MCPH1: variants seen among roughly 807,000 people sequenced by gnomAD.
MCPH1 encodes the protein microcephalin 1.
In MCPH1, 104 loss-of-function variants were observed where a neutral mutation model predicts 84.5. That is an observed-to-expected ratio of 1.23 (90% CI 1.05 to 1.45). The LOEUF is 1.45. Ranked by LOEUF, MCPH1 falls within the 40% of genes most tolerant of loss-of-function variation. The probability of loss-of-function intolerance (pLI) is 0.00; values close to 1 mark genes in which losing one functional copy is unlikely to be tolerated. For missense variants in MCPH1, 1,498 were observed against 1,005.7 expected (o/e 1.49, Z -6.62); for synonymous variants, 514 against 366.8 (o/e 1.40, Z -4.58).
chr8:6,427,052 C>T (rs973617860), intron 3 of MCPH1, among the ~76,000 whole-genome samples: 2 of 152,208 alleles, frequency 1.3e-5, no homozygotes, highest in African/African-American at 4.8e-5. Flanking sequence ...TGTGGCACAA[C>T]CTGTTGCTCC....
chr8:6,460,438 A>G (rs3020280), intron 9 of MCPH1, among the ~76,000 whole-genome samples: 48 of 151,806 alleles, frequency 3.2e-4, no homozygotes, highest in African/African-American at 1.1e-3. Context: ...CTGGTCTCGA[A>G]CGCCTGGTCT....
chr8:6,592,620 T>TTTTTTTTTTTTTTTTTTTTTTTTC (rs1828568001), intron 12 of MCPH1, among the ~76,000 whole-genome samples: 1 of 94,220 alleles, frequency 1.1e-5, no homozygotes, highest in African/African-American at 4.7e-5. Flanking sequence ...CTTTCTTTTT[T>TTTTTTTTTTTTTTTTTTTTTTTTC]TTGTTTTTTT....
chr8:6,467,897 C>A (rs1807185713), intron 9 of MCPH1, among the ~76,000 whole-genome samples: 1 of 152,170 alleles, frequency 6.6e-6, no homozygotes, highest in African/African-American at 2.4e-5. Context: ...CATGCCTGGC[C>A]CATGGAGTAA....
chr8:6,506,227 C>A (rs1233130650), intron 12 of MCPH1, among the ~76,000 whole-genome samples: 2 of 151,588 alleles, frequency 1.3e-5, no homozygotes, highest in East Asian at 3.9e-4. Flanking sequence ...TAGGTCAGTG[C>A]CTTCTGGAGC....
chr8:6,551,614 C>T (rs1823665736), intron 12 of MCPH1, among the ~76,000 whole-genome samples: 1 of 152,114 alleles, frequency 6.6e-6, no homozygotes. Context: ...AAGAACATGT[C>T]ACTGGTGCAG....
At chr8:6,534,515 C>G (rs991449491) in intron 12 of MCPH1, among the ~76,000 whole-genome samples, 1 of 152,022 alleles carries the variant, frequency 6.6e-6, no homozygotes, top group Non-Finnish European at 1.5e-5. Context: ...GCCATCCACC[C>G]GCCTCAGCCC....
chr8:6,492,066 T>C (rs1810662871), intron 11 of MCPH1, among the ~76,000 whole-genome samples: 1 of 152,232 alleles, frequency 6.6e-6, no homozygotes, highest in African/African-American at 2.4e-5. Flanking sequence ...ACTTCCACAA[T>C]GGTTGAACTA....
At position 6,486,321 on chromosome 8, in the gene MCPH1, G is replaced by A. The variant is rs148568957; in HGVS notation, c.2136+5445G>A. On this transcript the variant is annotated intron_variant, in intron 11 of 13. Transcript: ENST00000344683. ...GGCACTCTCGCTCTCTCGCTCTCTC[G>A]TCCTCCTCCTTCTAACCCTGTCTCC... 2.7e-3 allele frequency among the ~76,000 whole-genome samples: 406 copies of A among 149,158 alleles called. 3 individuals carry two copies. Among genetic ancestry groups the A allele is most frequent in the Non-Finnish European group, 4.6e-3 (308 of 67,446 alleles).
At chr8:6,608,866 C>T (rs1252175984) in intron 12 of MCPH1, among the ~76,000 whole-genome samples, 1 of 152,186 alleles carries the variant, frequency 6.6e-6, no homozygotes, top group Admixed American at 6.5e-5. Context: ...CTAGGCCTCA[C>T]CACCCTCCAT....
intron 12 of MCPH1, among the ~76,000 whole-genome samples, chr8:6,571,490 C>G (rs938332153): frequency 2.0e-5 from 3 of 152,268 alleles, no homozygotes; most frequent in East Asian, 3.9e-4. Context: ...CATAACCATC[C>G]TAATAAAGAT....
At chr8:6,626,773 G>T (rs77991116) in intron 13 of MCPH1, 1 of 985,120 alleles carries the variant, frequency 1.0e-6, no homozygotes, top group Non-Finnish European at 1.2e-6. Context: ...GAGCCCTGGC[G>T]CGGTCCTCAA....
At chr8:6,444,033 A>C (rs1379497103) in intron 7 of MCPH1, among the ~76,000 whole-genome samples, 1 of 152,216 alleles carries the variant, frequency 6.6e-6, no homozygotes, top group Non-Finnish European at 1.5e-5. Context: ...TAGATCTTAC[A>C]ACAGTAGTTC....
chr8:6,527,707 T>C (rs1354993199), intron 12 of MCPH1: 10 of 1,563,450 alleles, frequency 6.4e-6, no homozygotes, highest in African/African-American at 1.4e-5. Context: ...TTCCTATTAA[T>C]TATTTTTTAA....
chr8:6,473,743 A>G, intron 9 of MCPH1: 1 of 586,868 alleles, frequency 1.7e-6, no homozygotes, highest in Non-Finnish European at 2.8e-6. Flanking sequence ...TGGTCCTGCA[A>G]CATGAGTTTA....
intron 12 of MCPH1, among the ~76,000 whole-genome samples, chr8:6,573,453 A>G (rs767875987): frequency 1.5e-4 from 23 of 152,328 alleles, no homozygotes; most frequent in Middle Eastern, 3.4e-3. Context: ...ACTGACTCTT[A>G]CACTTAAAAA....
chr8:6,539,244 G>A (rs543954495), intron 12 of MCPH1, among the ~76,000 whole-genome samples: 1 of 152,306 alleles, frequency 6.6e-6, no homozygotes, highest in African/African-American at 2.4e-5. Context: ...CCTGTGACGT[G>A]GGAAGCAAGT....
intron 12 of MCPH1, among the ~76,000 whole-genome samples, chr8:6,591,662 A>G (rs1372763957): frequency 2.0e-5 from 3 of 152,204 alleles, no homozygotes; most frequent in Non-Finnish European, 2.9e-5. Context: ...TAGAGAAACA[A>G]ATAATTTCCT....
chr8:6,481,515 A>G (rs528695529), intron 11 of MCPH1, among the ~76,000 whole-genome samples: 1 of 152,340 alleles, frequency 6.6e-6, no homozygotes, highest in African/African-American at 2.4e-5. Flanking sequence ...TGACAGTAGC[A>G]TCACTTGTTA....
chr8:6,525,814 G>A (rs2515460), intron 12 of MCPH1, among the ~76,000 whole-genome samples: 1 of 151,964 alleles, frequency 6.6e-6, no homozygotes, highest in Non-Finnish European at 1.5e-5. Context: ...GATTTCTACA[G>A]CTGATGAGAA....
Sources: gnomAD v4.1 joint callset for allele counts (sites outside exome capture counted in the v4.1 genomes callset) on GRCh38, gnomAD v4.1.1 for gene constraint, MANE v1.5 for transcripts, NCBI Gene and HGNC (gene_info 2026-07-23, HGNC 2026-07-21) for gene names.